Variants in WIPF3 observed in about 807,000 individuals in gnomAD.
WIPF3 encodes the protein WAS/WASL interacting protein family member 3.
A neutral mutation model predicts 38.9 loss-of-function variants in WIPF3; 33 were observed. That is an observed-to-expected ratio of 0.85 (90% CI 0.64 to 1.14). The LOEUF is 1.14. Ranked by LOEUF, WIPF3 falls within the 50% of genes most tolerant of loss-of-function variation. WIPF3 has a pLI of 0.00. For synonymous variants in WIPF3, 324 were observed against 269.3 expected, an observed-to-expected ratio of 1.20 and a Z score of -1.99; for missense variants, 711 against 652.5, an observed-to-expected ratio of 1.09 and a Z score of -0.98.
At chr7:29,873,030 T>C (rs747080448) in intron 2 of WIPF3, among the ~76,000 whole-genome samples, 1 of 152,170 alleles carries the variant, frequency 6.6e-6, no homozygotes, top group Non-Finnish European at 1.5e-5. Context: ...CCCTGTGGAA[T>C]TGTCAAGAAC....
intron 1 of WIPF3, among the ~76,000 whole-genome samples, chr7:29,831,392 T>G (rs1409977628): frequency 6.6e-6 from 1 of 152,230 alleles, no homozygotes; most frequent in Non-Finnish European, 1.5e-5. Flanking sequence ...CAGATTCAAA[T>G]GCTAACCTGT....
chr7:29,886,190 A>G (rs1451393312), intron 5 of WIPF3, among the ~76,000 whole-genome samples: 1 of 152,078 alleles, frequency 6.6e-6, no homozygotes, highest in Non-Finnish European at 1.5e-5. Flanking sequence ...TGGTGCAAAG[A>G]GCAAAGATAT....
At chr7:29,907,591 C>T (rs749741436) in intron 8 of WIPF3, among the ~76,000 whole-genome samples, 12 of 151,996 alleles carry the variant, frequency 7.9e-5, no homozygotes, top group Non-Finnish European at 1.2e-4. Context: ...AGGGCAGAGC[C>T]CTCATGAATG....
At chr7:29,893,568 A>G (rs1264955379) in intron 7 of WIPF3, among the ~76,000 whole-genome samples, 2 of 152,116 alleles carry the variant, frequency 1.3e-5, no homozygotes, top group Non-Finnish European at 2.9e-5. Flanking sequence ...AATAAATGGG[A>G]CTTGACTTTG....
At chr7:29,913,498 T>G (rs1786544606) in intron 8 of WIPF3, among the ~76,000 whole-genome samples, 1 of 152,204 alleles carries the variant, frequency 6.6e-6, no homozygotes, top group Admixed American at 6.5e-5. Context: ...AATTTCCAAG[T>G]TTTCTACAAT....
rs551936288 is a variant in WIPF3, at chr7:29,878,318, T to G, written c.224-691T>G. Among the ~76,000 whole-genome samples, 2 of 152,218 alleles carry G rather than the reference T, an allele frequency of 1.3e-5. No homozygotes were observed. Among genetic ancestry groups the G allele is most frequent in the African/African-American group, 4.8e-5 (2 of 41,436 alleles). ...CATATTAGCTTCAAGTTGTTAAATA[T>G]TTTCTGCCAGGAATTCTTGTCTAAG... On this transcript the variant is annotated intron_variant, in intron 3 of 8. Coordinates refer to ENST00000242140, the MANE Select transcript of WIPF3 (RefSeq NM_001080529.3). This position sits in a 1 kb window ranked among gnomAD's most constrained non-coding sequence, Gnocchi z 4.0.
In WIPF3 at chr7:29,910,727, TAAA is replaced by T. The variant is rs546386159; in HGVS notation, c.1429-3760_1429-3758del. Among the ~76,000 whole-genome samples, 33 of 151,966 alleles carry T rather than the reference TAAA, an allele frequency of 2.2e-4. No individual in the cohort carries two copies. In the East Asian group the frequency reaches 6.4e-3, roughly 29 times the overall value. On this transcript the variant is annotated intron_variant, in intron 8 of 8. Transcript: ENST00000242140. ...GACAAAATTGAACACCTTTTCATGA[TAAA>T]AAAAATTCTCAATAAACTAGGAATA... is the stretch of plus-strand genomic sequence containing the variant.
chr7:29,893,522 A>G (rs921499755), intron 7 of WIPF3, among the ~76,000 whole-genome samples: 9 of 152,198 alleles, frequency 5.9e-5, no homozygotes, highest in African/African-American at 1.9e-4. Context: ...GGGTCAACTC[A>G]GTCCCTCCCA....
At chr7:29,835,788 C>T (rs1784790537) in intron 2 of WIPF3, among the ~76,000 whole-genome samples, 1 of 152,206 alleles carries the variant, frequency 6.6e-6, no homozygotes, top group Non-Finnish European at 1.5e-5. Context: ...GTATGGCACA[C>T]AGAGACAGGG....
intron 7 of WIPF3, among the ~76,000 whole-genome samples, chr7:29,903,323 A>T (rs1786325132): frequency 6.6e-6 from 1 of 152,110 alleles, no homozygotes; most frequent in Non-Finnish European, 1.5e-5. Context: ...AAATAAAATA[A>T]TAAAAAAACA....
rs55728973 is a variant in WIPF3 at position 29,810,474 on chromosome 7, G to GTGAATGAA, written c.-58+3822_-58+3829dup. 2.8e-3 allele frequency among the ~76,000 whole-genome samples: 430 copies of GTGAATGAA among 151,856 alleles called. 1 individual carries two copies. Among genetic ancestry groups the GTGAATGAA allele is most frequent in the East Asian group, 0.015 (79 of 5,166 alleles). On this transcript the variant is annotated intron_variant, in intron 1 of 8. Transcript: ENST00000242140. ...AGTGGAGGAATCAGTAATTGTGTGAGTGAATGAATGAATGAATGAATGAAT... is the reference window on the plus strand; with the variant it reads ...AGTGGAGGAATCAGTAATTGTGTGAGTGAATGAATGAATGAATGAATGAATGAATGAAT...
chr7:29,883,882 GCGCC>G lies in WIPF3; in HGVS notation c.390_393del (p.Pro131LeufsTer21). 1 of 1,570,072 alleles carries G rather than the reference GCGCC, an allele frequency of 6.4e-7. No individual in the cohort carries two copies. Among genetic ancestry groups the G allele is most frequent in the Non-Finnish European group, 8.7e-7 (1 of 1,154,642 alleles). On this transcript the variant is annotated frameshift_variant, in exon 5 of 9. Transcript: ENST00000242140. LOFTEE classifies it high-confidence loss of function. The stretch of plus-strand genomic sequence containing the variant: ...GACAGGGCAGGGCCCTGGCTCCCGC[GCGCC>G]CTCTCCCAGGCTTCCCAACAAAACC...
At chr7:29,873,593 A>T (rs1785535424) in intron 2 of WIPF3, among the ~76,000 whole-genome samples, 1 of 152,226 alleles carries the variant, frequency 6.6e-6, no homozygotes, top group African/African-American at 2.4e-5. Context: ...TGGGGTTTTT[A>T]AAAGCATATT....
intron 7 of WIPF3, among the ~76,000 whole-genome samples, chr7:29,897,701 A>G (rs1045408623): frequency 3.3e-5 from 5 of 152,236 alleles, no homozygotes; most frequent in African/African-American, 1.2e-4. Context: ...TTAAAGAATT[A>G]GATGTCCCAA....
At chr7:29,901,275 G>C (rs1786269450) in intron 7 of WIPF3, among the ~76,000 whole-genome samples, 1 of 152,032 alleles carries the variant, frequency 6.6e-6, no homozygotes, top group Non-Finnish European at 1.5e-5. Context: ...TGAATTCTGA[G>C]ATTCTGGTGG....
intron 2 of WIPF3, among the ~76,000 whole-genome samples, chr7:29,862,527 T>A (rs1425091572): frequency 3.9e-5 from 6 of 152,182 alleles, no homozygotes; most frequent in African/African-American, 1.4e-4. Context: ...AGTGGCCCAG[T>A]GGGCATATCA....
In WIPF3 at chr7:29,878,882, T is replaced by C. The variant is rs1232302925; in HGVS notation, c.224-127T>C. The C allele has an allele frequency of 2.7e-6, 3 of 1,105,812 alleles. No individual in the cohort carries two copies. The highest frequency in any genetic ancestry group is 2.3e-5 in the Admixed American group (1 of 44,100). The allele number at this position is 1,105,812 out of a possible 1,614,324, so 68.5% of individuals were successfully genotyped here. On this transcript the variant is annotated intron_variant, in intron 3 of 8. Coordinates refer to ENST00000242140, the MANE Select transcript of WIPF3 (RefSeq NM_001080529.3). The surrounding 1 kb of genome is among the most constrained non-coding windows in gnomAD (Gnocchi z 4.0). ...AGGATGCTGAGTGAAAGGATGACATTGGAGGTGGGAGAATGGGAAGGCTGA... is the reference window on the plus strand; with the variant it reads ...AGGATGCTGAGTGAAAGGATGACATCGGAGGTGGGAGAATGGGAAGGCTGA...
In WIPF3 at chr7:29,884,349, T is replaced by C. The variant is rs751275611; in HGVS notation, c.855T>C (p.Asp285=). The C allele has an allele frequency of 8.6e-6, 12 of 1,390,502 alleles. No homozygotes were observed. The South Asian group carries it at 1.3e-4, about 15-fold the overall frequency. 86.1% of individuals were successfully genotyped at this position (1,390,502 alleles called of 1,614,324 possible). A position where few individuals can be genotyped will look rare whatever the true frequency, so the allele number is the denominator to read the frequency against. ...CGGAGCCCGCCAGCCCTGCGCAAGA[T>C]GCGCAGGAGCCTCCCGCCCCGCCGC... ...LKAEPASPAQ[D]AQEPPAPPPP... Residue 285 remains aspartate, a synonymous_variant, in exon 5 of 9, where the codon GAT becomes GAC. Transcript: ENST00000242140.
chr7:29,851,702 C>T (rs1785100312), intron 2 of WIPF3, among the ~76,000 whole-genome samples: 2 of 152,210 alleles, frequency 1.3e-5, no homozygotes, highest in Non-Finnish European at 2.9e-5. Context: ...TTGGCAAGAC[C>T]AGCTGCATGG....
Sources: allele counts gnomAD v4.1 joint callset (sites outside exome capture counted in the v4.1 genomes callset), GRCh38; gene constraint gnomAD v4.1.1; non-coding constraint Gnocchi (gnomAD v3.1); transcripts MANE v1.5; gene names NCBI Gene and HGNC (gene_info 2026-07-23, HGNC 2026-07-21).